The following F8 variants were observed in gnomAD, a reference collection of about 807,000 sequenced individuals.
F8 encodes the protein coagulation factor VIII, also known as antihemophilic factor.
A neutral mutation model predicts 140.6 loss-of-function variants in F8; 12 were observed. The observed-to-expected ratio is 0.09, with a 90% confidence interval of 0.05 to 0.14. F8 has a LOEUF of 0.14. F8 is among the 10% of genes least tolerant of loss of function. F8 has a pLI of 1.00. For missense variants in F8, 1,354 were observed against 1,720.7 expected, an observed-to-expected ratio of 0.79 and a Z score of 3.77; for synonymous variants, 585 against 614.6, an observed-to-expected ratio of 0.95 and a Z score of 0.71.
chrX:154,857,526 C>A (rs1351817069), intron 25 of F8, among the ~76,000 whole-genome samples: 1 of 111,771 alleles, frequency 8.9e-6, no homozygotes, highest in Non-Finnish European at 1.9e-5. Context: ...GCAGGTACTA[C>A]ACAAAAGTGG....
chrX:154,999,554 C>T lies in F8; in HGVS notation c.190G>A (p.Val64Met), dbSNP rs187738612. Residue 64 changes from valine to methionine, a missense_variant, in exon 2 of 26, where the codon GTG (valine) becomes ATG (methionine). By Grantham distance (21) the Val-to-Met change is conservative. Around this residue, in one of 4 missense-constraint regions of F8, gnomAD observed 128 missense variants for 230.4 expected, o/e 0.56. Coordinates refer to ENST00000360256, the MANE Select transcript of F8 (RefSeq NM_000132.4). Reference sequence around the variant, plus strand: ...TCTACAAACAGAGTCTTTTTGTACACGACTGAGGTGTTGAATGGAAAAGAT... The same window carrying T: ...TCTACAAACAGAGTCTTTTTGTACATGACTGAGGTGTTGAATGGAAAAGAT... ...PKSFPFNTSV[V>M]YKKTLFVEFT... The T allele has an allele frequency of 6.4e-5, 77 of 1,206,010 alleles. No individual in the cohort carries two copies. In the Admixed American group the frequency reaches 6.8e-4, roughly 11 times the overall value.
At position 154,993,029 on chromosome X, in the gene F8, G is replaced by A. The variant is rs782458440; in HGVS notation, c.508C>T (p.Pro170Ser). 16 of 1,211,437 alleles carry A rather than the reference G, an allele frequency of 1.3e-5. No homozygotes were observed. The highest frequency in any genetic ancestry group is 1.8e-5 in the Non-Finnish European group (16 of 895,232). Residue 170 changes from proline (P) to serine (S), a missense_variant, in exon 4 of 26, where the codon CCA becomes TCA. This residue lies in a region of F8 where 128 missense variants were observed against 230.4 expected (regional missense o/e 0.56). Coordinates refer to ENST00000360256, the MANE Select transcript of F8 (RefSeq NM_000132.4). ...AGATATGAGTAGGTAAGGCACAGTGGGTCAGAGGCCATTGGACCATTCTCT... is the reference window on the plus strand; with the variant it reads ...AGATATGAGTAGGTAAGGCACAGTGAGTCAGAGGCCATTGGACCATTCTCT... ...LKENGPMASD[P>S]LCLTYSYLSH...
At chrX:154,845,183 A>G (rs1683467583) in intron 25 of F8, among the ~76,000 whole-genome samples, 1 of 111,703 alleles carries the variant, frequency 9.0e-6, no homozygotes, top group African/African-American at 3.3e-5. Context: ...GTGCTGCTGG[A>G]TTTGGTTTGC....
At chrX:154,923,270 G>A in intron 14 of F8, among the ~76,000 whole-genome samples, 1 of 112,168 alleles carries the variant, frequency 8.9e-6, no homozygotes, top group Non-Finnish European at 1.9e-5. Flanking sequence ...AAGTGACACT[G>A]TATCCTCTCT....
chrX:154,880,307 G>A (rs1469548245), intron 22 of F8, among the ~76,000 whole-genome samples: 12 of 111,500 alleles, frequency 1.1e-4, no homozygotes, highest in African/African-American at 3.9e-4. Flanking sequence ...ATGCAAGAAG[G>A]GCACACTGAC....
At position 154,931,549 on chromosome X, in the gene F8, T is replaced by G; in HGVS notation, c.2241A>C (p.Ala747=). The change falls in exon 14 of 26, where the codon GCA becomes GCC. Residue 747 remains alanine (A), a synonymous_variant. Transcript: ENST00000360256. ...TGGCATTGTTTTTACTCAGCAAGTA[T>G]GCTGAAATATCTTCATAACTGTCCT... ...YYEDSYEDIS[A]YLLSKNNAIE... 8.3e-7 allele frequency: 1 copy of G among 1,211,059 alleles called. No homozygotes were observed. The highest frequency in any genetic ancestry group is 1.1e-6 in the Non-Finnish European group (1 of 894,822).
chrX:154,914,982 C>T (rs1603433312), intron 14 of F8, among the ~76,000 whole-genome samples: 1 of 111,720 alleles, frequency 9.0e-6, no homozygotes, highest in Non-Finnish European at 1.9e-5. Context: ...ACTGGGTAAT[C>T]TATAAAGGAA....
chrX:154,947,155 G>A (rs1489866484), intron 13 of F8, among the ~76,000 whole-genome samples: 1 of 105,192 alleles, frequency 9.5e-6, no homozygotes, highest in African/African-American at 3.5e-5. Flanking sequence ...AACCCGGGTG[G>A]CGGAGCTTGC....
At chrX:154,908,421 T>G (rs1234418990) in intron 14 of F8, among the ~76,000 whole-genome samples, 1 of 112,483 alleles carries the variant, frequency 8.9e-6, no homozygotes, top group East Asian at 2.8e-4. Flanking sequence ...GACTTGGCTA[T>G]TCATAAACCT....
chrX:154,965,480 GA>G (rs1908882001), intron 9 of F8, among the ~76,000 whole-genome samples: 1 of 111,212 alleles, frequency 9.0e-6, no homozygotes, highest in Non-Finnish European at 1.9e-5. Flanking sequence ...GCATTTTTTG[GA>G]AAAGGCTGGA....
intron 22 of F8, among the ~76,000 whole-genome samples, chrX:154,894,667 C>T (rs1230836454): frequency 4.5e-5 from 5 of 110,006 alleles, no homozygotes; most frequent in Middle Eastern, 4.3e-3. Flanking sequence ...TGCAGTGAGC[C>T]GAGATCACAC....
intron 13 of F8, among the ~76,000 whole-genome samples, chrX:154,940,299 C>T (rs997329550): frequency 1.8e-5 from 2 of 111,573 alleles, no homozygotes; most frequent in East Asian, 2.8e-4. Flanking sequence ...ACTAGAATAA[C>T]CAATGCAGAG....
intron 13 of F8, among the ~76,000 whole-genome samples, chrX:154,932,704 C>A (rs1412987874): frequency 9.0e-6 from 1 of 111,137 alleles, no homozygotes; most frequent in Non-Finnish European, 1.9e-5. Flanking sequence ...TGTTTGCCAC[C>A]AAAATAAAGG....
intron 13 of F8, among the ~76,000 whole-genome samples, chrX:154,937,598 C>T (rs1384865661): frequency 8.1e-5 from 9 of 110,796 alleles, no homozygotes; most frequent in African/African-American, 2.9e-4. Context: ...AAATAACTTA[C>T]TTCAAGTAAA....
intron 2 of F8, among the ~76,000 whole-genome samples, chrX:154,998,862 C>T (rs2073631537): frequency 9.0e-6 from 1 of 111,317 alleles, no homozygotes; most frequent in South Asian, 3.8e-4. Context: ...CAGATAAAAA[C>T]CAGGCAGTGG....
At chrX:154,944,085 A>T (rs2073287336) in intron 13 of F8, among the ~76,000 whole-genome samples, 1 of 111,724 alleles carries the variant, frequency 9.0e-6, no homozygotes, top group African/African-American at 3.3e-5. Context: ...AACCTAGGCA[A>T]TACCATTCAG....
In F8 at chrX:154,934,088, C is replaced by G. The variant is rs185995137; in HGVS notation, c.2114-2412G>C. 3.9e-3 allele frequency among the ~76,000 whole-genome samples: 433 copies of G among 111,441 alleles called. 2 individuals carry two copies. The highest frequency in any genetic ancestry group is 0.013 in the African/African-American group (399 of 30,649). On this transcript the variant is annotated intron_variant, in intron 13 of 25. Coordinates refer to ENST00000360256, the MANE Select transcript of F8 (RefSeq NM_000132.4). ...TTTAAGGTAGTGAAGAAAGGGCTGG[C>G]CTTTCTTCTTGCTCCTTTCAGAAAT...
At chrX:155,006,989 G>A (rs781937787) in intron 1 of F8, among the ~76,000 whole-genome samples, 20 of 80,642 alleles carry the variant, frequency 2.5e-4, no homozygotes, top group African/African-American at 8.5e-4. Context: ...GCTCTCCCAC[G>A]TAGCCCTGCA....
intron 14 of F8, among the ~76,000 whole-genome samples, chrX:154,918,204 T>TG (rs1296783608): frequency 1.8e-5 from 2 of 111,610 alleles, no homozygotes; most frequent in African/African-American, 6.5e-5. Context: ...ATTCCCGATT[T>TG]GGGGGAGGTC....
Sources: allele counts gnomAD v4.1 joint callset (sites outside exome capture counted in the v4.1 genomes callset), GRCh38; gene constraint gnomAD v4.1.1; regional missense constraint gnomAD v4.1.1; transcripts MANE v1.5; gene names NCBI Gene and HGNC (gene_info 2026-07-23, HGNC 2026-07-21).